Variants in MDGA1 observed in about 807,000 individuals in gnomAD.
MDGA1 encodes the protein MAM domain containing glycosylphosphatidylinositol anchor 1.
Under a neutral mutation model 101.5 loss-of-function variants are expected in MDGA1, and 54 were observed. The ratio of observed to expected loss-of-function variants is 0.53; its 90% CI spans 0.43 to 0.67. MDGA1 has a LOEUF of 0.67. Among genes scored for constraint, MDGA1 ranks in the 30% least tolerant of loss-of-function variants. The pLI is 0.00. For synonymous variants in MDGA1, 533 were observed against 558.3 expected (o/e 0.95, Z 0.64); for missense variants, 1,083 against 1,323.8 (o/e 0.82, Z 2.82).
At chr6:37,688,408 T>G (rs1467366658) in intron 1 of MDGA1, among the ~76,000 whole-genome samples, 2 of 152,174 alleles carry the variant, frequency 1.3e-5, no homozygotes, top group African/African-American at 4.8e-5. Context: ...GTATCTCGGC[T>G]GAGTTTCTGG....
At chr6:37,693,223 T>C (rs950691051) in intron 1 of MDGA1, among the ~76,000 whole-genome samples, 1 of 152,078 alleles carries the variant, frequency 6.6e-6, no homozygotes, top group Non-Finnish European at 1.5e-5. Flanking sequence ...GGGTAGGAAC[T>C]CCAGTGAAAA....
At chr6:37,660,208 G>T (rs1040785379) in intron 2 of MDGA1, among the ~76,000 whole-genome samples, 2 of 150,534 alleles carry the variant, frequency 1.3e-5, no homozygotes, top group Non-Finnish European at 3.0e-5. Context: ...TAGAGCTAGG[G>T]TCTCACTATG....
chr6:37,693,420 G>C (rs932097404), intron 1 of MDGA1, among the ~76,000 whole-genome samples: 2 of 152,194 alleles, frequency 1.3e-5, no homozygotes, highest in African/African-American at 4.8e-5. Flanking sequence ...ATTAACATAG[G>C]ATAGTAGTTT....
chr6:37,647,444 A>G lies in MDGA1; in HGVS notation c.1895-120T>C, dbSNP rs538187411. On this transcript the variant is annotated intron_variant, in intron 9 of 16. Coordinates refer to ENST00000434837, the MANE Select transcript of MDGA1 (RefSeq NM_153487.4). ...GAAAACAGAGAGGGGACGGAGAAAC[A>G]AAGAGAAAGGGAATATTGTGAGGTG... 6.3e-6 allele frequency: 4 copies of G among 639,468 alleles called. No homozygotes were observed. In the African/African-American group the frequency reaches 7.4e-5, roughly 12 times the overall value. 39.6% of individuals were successfully genotyped at this position (639,468 alleles called of 1,614,324 possible).
At chr6:37,654,185 G>A (rs1300224058) in intron 6 of MDGA1, 89 bp downstream of exon 6, 3 of 1,400,900 alleles carry the variant, frequency 2.1e-6, no homozygotes, top group South Asian at 3.0e-5. Context: ...AAGCAGACAG[G>A]CCCCTTTCCT....
At position 37,635,269 on chromosome 6, in the gene MDGA1, G is replaced by A; in HGVS notation, c.*2099C>T. On this transcript the variant is annotated 3_prime_UTR_variant, in exon 17 of 17. Coordinates refer to ENST00000434837, the MANE Select transcript of MDGA1 (RefSeq NM_153487.4). ...TACAGAATCCATTCCACCGGGCAAT[G>A]GAGTGGTTTCCACACCAGGCTCACT... 2.5e-6 allele frequency: 1 copy of A among 395,564 alleles called. No individual in the cohort carries two copies. Among genetic ancestry groups the A allele is most frequent in the Non-Finnish European group, 4.5e-6 (1 of 224,636 alleles). The allele number at this position is 395,564 out of a possible 1,614,324, so 24.5% of individuals were successfully genotyped here. A position where few individuals can be genotyped will look rare whatever the true frequency, so the allele number is the denominator to read the frequency against.
At chr6:37,681,193 G>A (rs1311438860) in intron 1 of MDGA1, among the ~76,000 whole-genome samples, 1 of 152,216 alleles carries the variant, frequency 6.6e-6, no homozygotes, top group Non-Finnish European at 1.5e-5. Context: ...ATTCCTCCCT[G>A]TCTCAGGTCA....
chr6:37,658,968 CAAA>C (rs34087406), intron 2 of MDGA1, among the ~76,000 whole-genome samples: 5 of 109,510 alleles, frequency 4.6e-5, no homozygotes, highest in Admixed American at 9.5e-5. Context: ...AAGACTGTTT[CAAA>C]AAAAAAAAAA....
In MDGA1 at chr6:37,631,411, G is replaced by A. The variant is rs1036240108; in HGVS notation, c.*5957C>T. Reference sequence around the variant, plus strand: ...GAAAGGCCAGGTGTGCCAGCAAGAAGTTACCCAACATGAGAGCCAATAAAA... The same window carrying A: ...GAAAGGCCAGGTGTGCCAGCAAGAAATTACCCAACATGAGAGCCAATAAAA... On this transcript the variant is annotated 3_prime_UTR_variant, in exon 17 of 17. Transcript: ENST00000434837. The A allele has an allele frequency of 3.3e-5, 5 of 152,204 alleles. No homozygotes were observed. Among genetic ancestry groups the A allele is most frequent in the Admixed American group, 6.5e-5 (1 of 15,278 alleles). 9.4% of individuals were successfully genotyped at this position (152,204 alleles called of 1,614,324 possible).
chr6:37,656,792 C>G (rs1761499383), intron 3 of MDGA1, among the ~76,000 whole-genome samples: 1 of 152,184 alleles, frequency 6.6e-6, no homozygotes, highest in Non-Finnish European at 1.5e-5. Context: ...GCTGCTTCTT[C>G]AAATCCTAGT....
At position 37,646,309 on chromosome 6, in the gene MDGA1, C is replaced by A; in HGVS notation, c.2113G>T (p.Glu705Ter). 6.3e-7 allele frequency: 1 copy of A among 1,595,074 alleles called. No homozygotes were observed. Among genetic ancestry groups the A allele is most frequent in the East Asian group, 2.3e-5 (1 of 44,128 alleles). The change falls in exon 11 of 17, where the codon GAG (glutamate) becomes TAG (stop). Residue 705 changes from glutamate (E) to a stop codon, truncating the protein, a stop_gained. Coordinates refer to ENST00000434837, the MANE Select transcript of MDGA1 (RefSeq NM_153487.4). LOFTEE classifies it high-confidence loss of function. ...ACACGGAGATCGGTCAGGATGTACT[C>A]CAGCAGCTGCCCCTTCTCCACACGC... ...VRRVEKGQLL[E>*]YILTDLRVPH...
chr6:37,649,951 G>A, intron 8 of MDGA1, 158 bp downstream of exon 8: 1 of 818,218 alleles, frequency 1.2e-6, no homozygotes, highest in East Asian at 2.6e-5. Context: ...AGACCTCCGT[G>A]TCCTACAGCA....
intron 2 of MDGA1, among the ~76,000 whole-genome samples, chr6:37,661,479 C>T (rs1035662726): frequency 6.6e-5 from 10 of 152,198 alleles, no homozygotes; most frequent in Admixed American, 5.2e-4. Flanking sequence ...AGAACAGAAA[C>T]TATAGGGGCA....
intron 1 of MDGA1, among the ~76,000 whole-genome samples, chr6:37,664,845 A>ACACAC (rs756796474): frequency 2.2e-5 from 1 of 46,092 alleles, no homozygotes; most frequent in African/African-American, 9.6e-5. Context: ...AACCTAAGAC[A>ACACAC]CACACACACA....
Position 37,676,537 on chromosome 6 carries a change from G to C in MDGA1, c.68-12431C>G, listed in dbSNP as rs924567942. Among the ~76,000 whole-genome samples, 14 of 152,236 alleles carry C rather than the reference G, an allele frequency of 9.2e-5. 1 individual carries two copies. Among genetic ancestry groups the C allele is most frequent in the Admixed American group, 6.5e-5 (1 of 15,284 alleles). ...GCTGCAGTGGGCATCTGGGGACCCTGAGCCCTCACATAAGCATGGATGGAG... is the reference window on the plus strand; with the variant it reads ...GCTGCAGTGGGCATCTGGGGACCCTCAGCCCTCACATAAGCATGGATGGAG... On this transcript the variant is annotated intron_variant, in intron 1 of 16. Transcript: ENST00000434837.
chr6:37,695,777 G>A (rs1277534819), intron 1 of MDGA1, among the ~76,000 whole-genome samples: 2 of 152,188 alleles, frequency 1.3e-5, no homozygotes, highest in Non-Finnish European at 2.9e-5. Flanking sequence ...CACTAAAAAG[G>A]GACCTGGACA....
Position 37,644,655 on chromosome 6 carries a change from T to A in MDGA1, c.2249-6A>T, listed in dbSNP as rs760353009. ...CTCAAAGTGGCAGGTGTTGTCTGCATTTTATGGGGCGAATGAGACAAAGAG... is the reference window on the plus strand; with the variant it reads ...CTCAAAGTGGCAGGTGTTGTCTGCAATTTATGGGGCGAATGAGACAAAGAG... On this transcript the variant is annotated splice_region_variant and splice_polypyrimidine_tract_variant and intron_variant, in intron 12 of 16. Coordinates refer to ENST00000434837, the MANE Select transcript of MDGA1 (RefSeq NM_153487.4). The A allele has an allele frequency of 1.9e-6, 3 of 1,567,262 alleles. No individual in the cohort carries two copies. The Admixed American group carries it at 5.5e-5, about 29-fold the overall frequency.
chr6:37,644,946 A>G (rs150570989), intron 12 of MDGA1, among the ~76,000 whole-genome samples: 1,571 of 152,384 alleles, frequency 0.01, 31 homozygotes, highest in African/African-American at 0.034. Context: ...AATCAATTAT[A>G]TCGAAATACA....
At position 37,638,429 on chromosome 6, in the gene MDGA1, CTCTT is replaced by C. The variant is rs1763984984; in HGVS notation, c.2667+104_2667+107del. 6.4e-7 allele frequency: 1 copy of C among 1,558,834 alleles called. No individual in the cohort carries two copies. Among genetic ancestry groups the C allele is most frequent in the Non-Finnish European group, 8.7e-7 (1 of 1,144,676 alleles). On this transcript the variant is annotated intron_variant, in intron 15 of 16. Transcript: ENST00000434837. This position sits in a 1 kb window ranked among gnomAD's most constrained non-coding sequence, Gnocchi z 4.8. ...TACCTGGAAGTTCCCCCTAACCTGACTCTTTCCATCCTTAGCCCCCAGGAAGAAG... is the reference window on the plus strand; with the variant it reads ...TACCTGGAAGTTCCCCCTAACCTGACTCCATCCTTAGCCCCCAGGAAGAAG...
Sources: allele counts gnomAD v4.1 joint callset (sites outside exome capture counted in the v4.1 genomes callset), GRCh38; gene constraint gnomAD v4.1.1; non-coding constraint Gnocchi (gnomAD v3.1); transcripts MANE v1.5; gene names NCBI Gene and HGNC (gene_info 2026-07-23, HGNC 2026-07-21).